UBP1: variants seen among roughly 807,000 people sequenced by gnomAD.
UBP1 encodes upstream-binding protein 1.
UBP1 carries 22 observed loss-of-function variants against 76.1 expected under a neutral mutation model. The ratio of observed to expected loss-of-function variants is 0.29; its 90% CI spans 0.21 to 0.41. The LOEUF (loss-of-function observed/expected upper bound fraction) is 0.41, where lower values mean the gene tolerates loss of function less well. Among genes scored for constraint, UBP1 ranks in the 10% least tolerant of loss-of-function variants. The pLI, the probability that UBP1 is intolerant of heterozygous loss-of-function variation, is 1.00. For missense variants in UBP1, 436 were observed against 668.1 expected, an observed-to-expected ratio of 0.65 and a Z score of 3.83; for synonymous variants, 224 against 237.1, an observed-to-expected ratio of 0.94 and a Z score of 0.51.
chr3:33,397,172 G>T (rs1315787623), intron 11 of UBP1, 37 bp from the exon 12 acceptor site: 2 of 1,495,118 alleles, frequency 1.3e-6, no homozygotes, highest in African/African-American at 2.8e-5. Flanking sequence ...CAAATAAATG[G>T]AAAAAGAACA....
chr3:33,422,349 T>C (rs779906977), intron 2 of UBP1, among the ~76,000 whole-genome samples: 1 of 151,720 alleles, frequency 6.6e-6, no homozygotes, highest in African/African-American at 2.4e-5. Context: ...AAAAACAGCC[T>C]GGGCAACATA....
intron 12 of UBP1, 147 bp downstream of exon 12, chr3:33,396,898 A>C (rs1451071429): frequency 2.6e-6 from 2 of 762,464 alleles, no homozygotes; most frequent in East Asian, 5.4e-5. Context: ...TACACAAAAC[A>C]GTCTTCTTGT....
At chr3:33,410,980 T>C (rs1396316045) in intron 5 of UBP1, among the ~76,000 whole-genome samples, 1 of 150,334 alleles carries the variant, frequency 6.7e-6, no homozygotes, top group African/African-American at 2.5e-5. Context: ...GGCTGAGAGA[T>C]GAGAAGAGCT....
Position 33,391,548 on chromosome 3 carries a change from A to T in UBP1, c.1585+1015T>A, listed in dbSNP as rs535291673. On this transcript the variant is annotated intron_variant, in intron 15 of 15. Coordinates refer to ENST00000283629, the MANE Select transcript of UBP1 (RefSeq NM_014517.5). ...GGTAATAGTCAACTGCCTACTTGAC[A>T]TTTCTACATATCCAAAATCAAACTC... 2.0e-5 allele frequency: 3 copies of T among 152,270 alleles called. No individual in the cohort carries two copies. The South Asian group carries it at 6.2e-4, about 32-fold the overall frequency. The allele number at this position is 152,270 out of a possible 1,614,324, so 9.4% of individuals were successfully genotyped here.
intron 15 of UBP1, chr3:33,390,576 A>C: frequency 1.7e-6 from 1 of 601,204 alleles, no homozygotes; most frequent in Non-Finnish European, 3.0e-6. Context: ...CATTCTGCGA[A>C]GCCTGGCCCA....
intron 1 of UBP1, among the ~76,000 whole-genome samples, chr3:33,438,420 G>A (rs1014380764): frequency 6.6e-6 from 1 of 152,182 alleles, no homozygotes; most frequent in Admixed American, 6.5e-5. Flanking sequence ...AGAGGAGTGC[G>A]TTTTCACTAG....
intron 8 of UBP1, among the ~76,000 whole-genome samples, chr3:33,404,137 G>A (rs2044348649): frequency 6.6e-6 from 1 of 152,176 alleles, no homozygotes. Flanking sequence ...ATGAGGCCGG[G>A]CGCGGTGGCT....
At chr3:33,435,664 TA>T (rs1252284897) in intron 1 of UBP1, among the ~76,000 whole-genome samples, 36 of 152,276 alleles carry the variant, frequency 2.4e-4, no homozygotes, top group Non-Finnish European at 1.0e-4. Context: ...GCACCTAACC[TA>T]CTGAACATCA....
At chr3:33,395,983 C>T (rs1285233293) in intron 13 of UBP1, among the ~76,000 whole-genome samples, 179 bp downstream of exon 13, 4 of 152,298 alleles carry the variant, frequency 2.6e-5, no homozygotes, top group South Asian at 2.1e-4. Context: ...TGCCAGTTTC[C>T]TCTTCTCCCA....
intron 3 of UBP1, among the ~76,000 whole-genome samples, chr3:33,416,380 G>A (rs1158101397): frequency 6.6e-6 from 1 of 152,184 alleles, no homozygotes; most frequent in Non-Finnish European, 1.5e-5. Flanking sequence ...CATGAGTAGG[G>A]TGAACAGAGA....
At chr3:33,393,046 C>CACT (rs1195946859) in intron 14 of UBP1, 10 of 382,132 alleles carry the variant, frequency 2.6e-5, no homozygotes, top group African/African-American at 1.9e-4. Flanking sequence ...CAAAGCCTGC[C>CACT]ACTATCCCTA....
intron 2 of UBP1, 122 bp from the exon 3 acceptor site, chr3:33,416,956 C>T (rs1048673445): frequency 1.9e-5 from 15 of 809,534 alleles, no homozygotes; most frequent in African/African-American, 7.0e-5. Flanking sequence ...TAATTTGCTA[C>T]GGAAGCAAAT....
At chr3:33,398,599 A>G (rs1478195665) in intron 11 of UBP1, among the ~76,000 whole-genome samples, 1 of 152,210 alleles carries the variant, frequency 6.6e-6, no homozygotes, top group Non-Finnish European at 1.5e-5. Flanking sequence ...GCTGTGACTC[A>G]GGAGATGTGC....
At chr3:33,435,454 CA>C (rs1331934174) in intron 1 of UBP1, among the ~76,000 whole-genome samples, 4 of 152,112 alleles carry the variant, frequency 2.6e-5, no homozygotes, top group Non-Finnish European at 5.9e-5. Context: ...GCCAACATAG[CA>C]AGACCTTATC....
At chr3:33,431,840 TGAG>T (rs1033351095) in intron 1 of UBP1, among the ~76,000 whole-genome samples, 1 of 151,864 alleles carries the variant, frequency 6.6e-6, no homozygotes, top group Non-Finnish European at 1.5e-5. Context: ...GTTGTGAGGC[TGAG>T]GAGGTGTCAT....
At chr3:33,415,543 A>G (rs2044707176) in intron 3 of UBP1, among the ~76,000 whole-genome samples, 1 of 152,188 alleles carries the variant, frequency 6.6e-6, no homozygotes, top group Non-Finnish European at 1.5e-5. Flanking sequence ...ATATACCACC[A>G]TATGATGGAT....
intron 1 of UBP1, among the ~76,000 whole-genome samples, chr3:33,428,850 CCCT>C (rs147503053): frequency 0.014 from 2,091 of 151,480 alleles, 50 homozygotes; most frequent in African/African-American, 0.048. Flanking sequence ...GCTCTTCAAC[CCCT>C]CTTCTCGTCA....
At position 33,392,683 on chromosome 3, in the gene UBP1, A is replaced by G. The variant is rs1038954540; in HGVS notation, c.1534-69T>C. On this transcript the variant is annotated intron_variant, in intron 14 of 15. Coordinates refer to ENST00000283629, the MANE Select transcript of UBP1 (RefSeq NM_014517.5). Reference sequence around the variant, plus strand: ...TGTCGTTTCTTAAAATGATTTTAAAACAGTAAATATTCTTCTCAAACAAAC... The same window carrying G: ...TGTCGTTTCTTAAAATGATTTTAAAGCAGTAAATATTCTTCTCAAACAAAC... 6.3e-5 allele frequency: 90 copies of G among 1,420,518 alleles called. No homozygotes were observed. The Admixed American group carries it at 1.7e-3, about 27-fold the overall frequency. 88.0% of individuals were successfully genotyped at this position (1,420,518 alleles called of 1,614,324 possible). A position where few individuals can be genotyped will look rare whatever the true frequency, so the allele number is the denominator to read the frequency against.
chr3:33,425,580 C>G lies in UBP1; in HGVS notation c.265+10G>C. ...TTCTTACATGTCAAATGTGACATAACCACACTAACCTTGGTTCAAATAAGT... is the reference window on the plus strand; with the variant it reads ...TTCTTACATGTCAAATGTGACATAAGCACACTAACCTTGGTTCAAATAAGT... On this transcript the variant is annotated intron_variant, in intron 2 of 15. Coordinates refer to ENST00000283629, the MANE Select transcript of UBP1 (RefSeq NM_014517.5). 6.6e-7 allele frequency: 1 copy of G among 1,507,924 alleles called. No homozygotes were observed. Among genetic ancestry groups the G allele is most frequent in the Non-Finnish European group, 9.0e-7 (1 of 1,107,980 alleles). 93.4% of individuals were successfully genotyped at this position (1,507,924 alleles called of 1,614,324 possible).
Sources: allele counts gnomAD v4.1 joint callset (sites outside exome capture counted in the v4.1 genomes callset), GRCh38; gene constraint gnomAD v4.1.1; transcripts MANE v1.5; gene names NCBI Gene and HGNC (gene_info 2026-07-23, HGNC 2026-07-21).